The following ZNF432 variants were observed in gnomAD, a reference collection of about 807,000 sequenced individuals.
ZNF432 encodes zinc finger protein 432.
ZNF432 carries 10 observed loss-of-function variants against 13.9 expected under a neutral mutation model. That is an observed-to-expected ratio of 0.72 (90% CI 0.44 to 1.22). The LOEUF is 1.22. Ranked by LOEUF, ZNF432 falls within the 50% of genes most tolerant of loss-of-function variation. The probability of loss-of-function intolerance (pLI) is 0.00; values close to 1 mark genes in which losing one functional copy is unlikely to be tolerated. For synonymous variants in ZNF432, 247 were observed against 256.2 expected, an observed-to-expected ratio of 0.96 and a Z score of 0.34; for missense variants, 793 against 796.2, an observed-to-expected ratio of 1.00 and a Z score of 0.05.
rs931000991 is a variant in ZNF432 at position 52,031,380 on chromosome 19, G to C, written c.*2340C>G. Reference sequence around the variant, plus strand: ...AAAAACTTAACGTTCGCACAATATCGGGTACACAAATAGTCACAGCATCTT... The same window carrying C: ...AAAAACTTAACGTTCGCACAATATCCGGTACACAAATAGTCACAGCATCTT... On this transcript the variant is annotated 3_prime_UTR_variant, in exon 5 of 5. Coordinates refer to ENST00000221315, the MANE Select transcript of ZNF432 (RefSeq NM_014650.4). The C allele has an allele frequency of 6.6e-6, 1 of 152,102 alleles. No individual in the cohort carries two copies. Among genetic ancestry groups the C allele is most frequent in the Non-Finnish European group, 1.5e-5 (1 of 68,032 alleles). The allele number at this position is 152,102 out of a possible 1,614,324, so 9.4% of individuals were successfully genotyped here.
chr19:52,044,297 T>C (rs1191551165), intron 2 of ZNF432, among the ~76,000 whole-genome samples: 2 of 152,130 alleles, frequency 1.3e-5, no homozygotes, highest in Admixed American at 6.5e-5. Flanking sequence ...AAGTTTTTCC[T>C]GTTTAAAGTC....
Position 52,046,837 on chromosome 19 carries a change from A to T in ZNF432, c.15+17T>A. ...CACTATGGAATAAAGGAGAGAATAA[A>T]ATAGAGAAAAAGTCACCTGGGCATT... On this transcript the variant is annotated intron_variant, in intron 2 of 4. Coordinates refer to ENST00000221315, the MANE Select transcript of ZNF432 (RefSeq NM_014650.4). 1 of 1,613,488 alleles carries T rather than the reference A, an allele frequency of 6.2e-7. No individual in the cohort carries two copies. The highest frequency in any genetic ancestry group is 1.1e-5 in the South Asian group (1 of 90,950).
Position 52,040,548 on chromosome 19 carries a change from A to G in ZNF432, c.178T>C (p.Leu60=), listed in dbSNP as rs747287656. ...GTCCATGGTTCTTCTCCTCGTTCCAACTTGGAGAGTGCATCTGGTTTGCTG... is the reference window on the plus strand; with the variant it reads ...GTCCATGGTTCTTCTCCTCGTTCCAGCTTGGAGAGTGCATCTGGTTTGCTG... ...QVSKPDALSK[L]ERGEEPWTME... is the part of the protein sequence containing the mutation. Residue 60 remains leucine, a synonymous_variant, in exon 4 of 5, where the codon TTG becomes CTG. Transcript: ENST00000221315. The G allele has an allele frequency of 2.5e-6, 4 of 1,613,990 alleles. No individual in the cohort carries two copies. Among genetic ancestry groups the G allele is most frequent in the Non-Finnish European group, 2.5e-6 (3 of 1,180,020 alleles).
At chr19:52,045,328 G>A (rs1214164176) in intron 2 of ZNF432, among the ~76,000 whole-genome samples, 1 of 151,318 alleles carries the variant, frequency 6.6e-6, no homozygotes, top group Non-Finnish European at 1.5e-5. Flanking sequence ...TTATGAAGAG[G>A]GAATCTACTT....
Position 52,041,471 on chromosome 19 carries a change from T to C in ZNF432, c.142+9A>G. 6.3e-7 allele frequency: 1 copy of C among 1,587,700 alleles called. No homozygotes were observed. The highest frequency in any genetic ancestry group is 8.6e-7 in the Non-Finnish European group (1 of 1,167,112). On this transcript the variant is annotated intron_variant, in intron 3 of 4. Coordinates refer to ENST00000221315, the MANE Select transcript of ZNF432 (RefSeq NM_014650.4). The stretch of plus-strand genomic sequence containing the variant: ...CACCCTCCAGGTGACACAGAGCAGC[T>C]GTCCTCACCCATTGATAGCAGGTTG...
rs758177378 is a variant in ZNF432, at chr19:52,034,337, G to T, written c.1342C>A (p.Gln448Lys). 3 of 1,613,944 alleles carry T rather than the reference G, an allele frequency of 1.9e-6. No individual in the cohort carries two copies. In the East Asian group the frequency reaches 6.7e-5, roughly 36 times the overall value. The change falls in exon 5 of 5, where the codon CAG becomes AAG. Residue 448 changes from glutamine (Q) to lysine (K), a missense_variant. Coordinates refer to ENST00000221315, the MANE Select transcript of ZNF432 (RefSeq NM_014650.4). ...FTVKSMLIIHQRTHTGEKPYT... is the reference protein window; with the variant it reads ...FTVKSMLIIHKRTHTGEKPYT... ...GGCTTCTCTCCTGTATGAGTTCGCT[G>T]ATGTATGATGAGCATGCTTTTCACA...
At chr19:52,041,289 T>G (rs1178627720) in intron 3 of ZNF432, among the ~76,000 whole-genome samples, 191 bp downstream of exon 3, 1 of 152,166 alleles carries the variant, frequency 6.6e-6, no homozygotes, top group Non-Finnish European at 1.5e-5. Flanking sequence ...GGATTTCATA[T>G]CCATGGAAAG....
At chr19:52,043,149 G>C (rs1339893744) in intron 2 of ZNF432, among the ~76,000 whole-genome samples, 1 of 152,204 alleles carries the variant, frequency 6.6e-6, no homozygotes, top group Non-Finnish European at 1.5e-5. Context: ...AAAAGCAAGA[G>C]AGATCAGATT....
At position 52,034,184 on chromosome 19, in the gene ZNF432, C is replaced by G; in HGVS notation, c.1495G>C (p.Gly499Arg). 3 of 1,612,728 alleles carry G rather than the reference C, an allele frequency of 1.9e-6. No individual in the cohort carries two copies. Among genetic ancestry groups the G allele is most frequent in the Non-Finnish European group, 1.7e-6 (2 of 1,179,674 alleles). The change falls in exon 5 of 5, where the codon GGA (glycine) becomes CGA (arginine). Residue 499 changes from glycine (G) to arginine (R), a missense_variant. Gly to Arg is a moderately radical substitution (Grantham distance 125). Coordinates refer to ENST00000221315, the MANE Select transcript of ZNF432 (RefSeq NM_014650.4). ...ECGKGFIVNSGLMLHQRTHTG... is the reference protein window; with the variant it reads ...ECGKGFIVNSRLMLHQRTHTG... ...TGAGTTCGCTGATGTAACATCAGTC[C>G]GCTATTCACAATGAAACCTTTCCCA... is the stretch of plus-strand genomic sequence containing the variant.
In ZNF432 at chr19:52,034,319, C is replaced by T. The variant is rs1187011413; in HGVS notation, c.1360G>A (p.Glu454Lys). The part of the protein sequence containing the change: ...LIIHQRTHTG[E>K]KPYTCSECGK... ...CATTCACTGCATGTGTAGGGCTTCT[C>T]TCCTGTATGAGTTCGCTGATGTATG... The change falls in exon 5 of 5, where the codon GAG becomes AAG. Residue 454 changes from glutamate to lysine, a missense_variant. Physicochemically the swap from Glu to Lys is moderately conservative, Grantham distance 56. Transcript: ENST00000221315. The T allele has an allele frequency of 2.5e-6, 4 of 1,609,876 alleles. No individual in the cohort carries two copies. In the Admixed American group the frequency reaches 5.0e-5, roughly 20 times the overall value.
In ZNF432 at chr19:52,034,270, C is replaced by T. The variant is rs1473179016; in HGVS notation, c.1409G>A (p.Ser470Asn). 3.1e-6 allele frequency: 5 copies of T among 1,614,108 alleles called. No individual in the cohort carries two copies. The part of the protein sequence containing the change: ...SECGKGFPLK[S>N]RLIVHQRTHT... The stretch of plus-strand genomic sequence containing the variant: ...AGTTCGCTGATGTACAATCAGCCGA[C>T]TCTTCAAGGGGAAGCCTTTCCCACA... Residue 470 changes from serine to asparagine, a missense_variant, in exon 5 of 5, where the codon AGT becomes AAT. Ser to Asn is a conservative substitution (Grantham distance 46). Coordinates refer to ENST00000221315, the MANE Select transcript of ZNF432 (RefSeq NM_014650.4).
chr19:52,037,441 G>T (rs11673450), intron 4 of ZNF432, among the ~76,000 whole-genome samples: 29,745 of 151,972 alleles, frequency 0.2, 3,193 homozygotes, highest in East Asian at 0.38. Context: ...AGAAGAAAAT[G>T]TGCTGCTGCA....
chr19:52,040,737 T>A (rs1185249728), intron 3 of ZNF432, among the ~76,000 whole-genome samples, 154 bp from the exon 4 acceptor site: 1 of 152,076 alleles, frequency 6.6e-6, no homozygotes, highest in Non-Finnish European at 1.5e-5. Flanking sequence ...GACCTTAATA[T>A]CTGAAAATTT....
At position 52,034,363 on chromosome 19, in the gene ZNF432, G is replaced by A; in HGVS notation, c.1316C>T (p.Thr439Ile). 1 of 1,613,932 alleles carries A rather than the reference G, an allele frequency of 6.2e-7. No individual in the cohort carries two copies. Among genetic ancestry groups the A allele is most frequent in the Non-Finnish European group, 8.5e-7 (1 of 1,179,988 alleles). ...YLCSECGKGF[T>I]VKSMLIIHQR... ...ATGTATGATGAGCATGCTTTTCACA[G>A]TAAAACCTTTTCCACATTCACTACA... The change falls in exon 5 of 5, where the codon ACT (threonine) becomes ATT (isoleucine). Residue 439 changes from threonine (T) to isoleucine (I), a missense_variant. By Grantham distance (89) the Thr-to-Ile change is moderately conservative (BLOSUM62 -1). Transcript: ENST00000221315.
rs1374939671 is a variant in ZNF432, at chr19:52,035,233, CT to C, written c.445del (p.Ser149AlafsTer33). The C allele has an allele frequency of 1.9e-6, 3 of 1,608,058 alleles. No homozygotes were observed. In the East Asian group the frequency reaches 6.7e-5, roughly 36 times the overall value. The stretch of plus-strand genomic sequence containing the variant: ...TTTAGTAGAGTTGTTAATTTCACAG[CT>C]TTTGTTCTGGTTGACTAAACTTAAA... ...SNLSLVNQNK[S>X]CEINNSTKFS... On this transcript the variant is annotated frameshift_variant, in exon 5 of 5. Transcript: ENST00000221315. LOFTEE classifies it low-confidence loss of function (END_TRUNC).
chr19:52,035,686 T>C (rs1316584848), intron 4 of ZNF432, among the ~76,000 whole-genome samples: 1 of 152,032 alleles, frequency 6.6e-6, no homozygotes, highest in East Asian at 1.9e-4. Context: ...GCATGTGCCA[T>C]CATGCCTAGC....
rs925067077 is a variant in ZNF432 at position 52,033,724 on chromosome 19, G to T, written c.1955C>A (p.Pro652His). ...VHQRTHNGNKP is the reference protein window; with the variant it reads ...VHQRTHNGNKH ...ATGAACATGTCCACTGCATTGTCAG[G>T]GTTTGTTTCCATTATGAGTTCGCTG... Residue 652 changes from proline to histidine, a missense_variant, in exon 5 of 5, where the codon CCC becomes CAC. Coordinates refer to ENST00000221315, the MANE Select transcript of ZNF432 (RefSeq NM_014650.4). 2 of 1,580,918 alleles carry T rather than the reference G, an allele frequency of 1.3e-6. No individual in the cohort carries two copies. Among genetic ancestry groups the T allele is most frequent in the Non-Finnish European group, 1.7e-6 (2 of 1,165,924 alleles).
At chr19:52,038,346 A>G (rs2087104267) in intron 4 of ZNF432, among the ~76,000 whole-genome samples, 1 of 152,068 alleles carries the variant, frequency 6.6e-6, no homozygotes, top group South Asian at 2.1e-4. Flanking sequence ...CTGGAGTGCA[A>G]TGGCACAATC....
chr19:52,042,072 G>A (rs1237074210), intron 2 of ZNF432, among the ~76,000 whole-genome samples: 1 of 152,108 alleles, frequency 6.6e-6, no homozygotes, highest in African/African-American at 2.4e-5. Context: ...AACTATTAAA[G>A]AGTAACCAAA....
Sources: allele counts gnomAD v4.1 joint callset (sites outside exome capture counted in the v4.1 genomes callset), GRCh38; gene constraint gnomAD v4.1.1; transcripts MANE v1.5; gene names NCBI Gene and HGNC (gene_info 2026-07-23, HGNC 2026-07-21).